Variants in TMEM132D observed in about 807,000 individuals in gnomAD.
TMEM132D encodes transmembrane protein 132D, also known as mature OL transmembrane protein.
In TMEM132D, 21 loss-of-function variants were observed where a neutral mutation model predicts 62.3. The ratio of observed to expected loss-of-function variants is 0.34; its 90% confidence interval spans 0.24 to 0.49. TMEM132D has a LOEUF of 0.49. Ranked by LOEUF, TMEM132D falls within the 20% of genes least tolerant of loss-of-function variation. TMEM132D has a pLI of 0.99. For synonymous variants in TMEM132D, 621 were observed against 575.6 expected (o/e 1.08, Z -1.13); for missense variants, 1,346 against 1,402.8 (o/e 0.96, Z 0.65).
chr12:129,364,577 G>A (rs145542553), intron 3 of TMEM132D, among the ~76,000 whole-genome samples: 2,117 of 152,324 alleles, frequency 0.014, 17 homozygotes, highest in Non-Finnish European at 0.022. Flanking sequence ...TGGGGGCTAA[G>A]GTGATGTTAA....
chr12:129,776,421 G>A (rs1870924549), intron 1 of TMEM132D, among the ~76,000 whole-genome samples: 2 of 150,058 alleles, frequency 1.3e-5, no homozygotes, highest in African/African-American at 4.9e-5. Flanking sequence ...TTCCAATGAT[G>A]CTTTATTTTA....
At chr12:129,295,933 T>C (rs1269477428) in intron 4 of TMEM132D, among the ~76,000 whole-genome samples, 1 of 152,154 alleles carries the variant, frequency 6.6e-6, no homozygotes, top group African/African-American at 2.4e-5. Context: ...TTTCCACCTG[T>C]GGTTGGTTAA....
chr12:129,131,075 T>C (rs1231910301), intron 5 of TMEM132D, among the ~76,000 whole-genome samples: 1 of 152,166 alleles, frequency 6.6e-6, no homozygotes, highest in Non-Finnish European at 1.5e-5. Context: ...GGAGACCTAC[T>C]GGCAAGATCA....
chr12:129,414,135 T>A (rs1299273637), intron 3 of TMEM132D, among the ~76,000 whole-genome samples: 1 of 152,240 alleles, frequency 6.6e-6, no homozygotes, highest in Non-Finnish European at 1.5e-5. Context: ...TGGGCGGCTG[T>A]GTTATTCTTT....
chr12:129,281,752 A>G (rs1210291238), intron 4 of TMEM132D, among the ~76,000 whole-genome samples: 1 of 152,134 alleles, frequency 6.6e-6, no homozygotes, highest in Non-Finnish European at 1.5e-5. Context: ...CCCAGCTCCC[A>G]TTGGCCAAAA....
At chr12:129,597,894 G>C (rs1186758680) in intron 2 of TMEM132D, among the ~76,000 whole-genome samples, 1 of 152,096 alleles carries the variant, frequency 6.6e-6, no homozygotes, top group Non-Finnish European at 1.5e-5. Context: ...TTATTGGCGG[G>C]GGGTGGATGG....
chr12:129,738,184 A>C (rs753006188), intron 1 of TMEM132D, among the ~76,000 whole-genome samples: 10 of 152,214 alleles, frequency 6.6e-5, no homozygotes, highest in Non-Finnish European at 1.2e-4. Flanking sequence ...ATGAGATTAG[A>C]AATCTTCCTG....
At chr12:129,851,938 T>C (rs1873557158) in intron 1 of TMEM132D, among the ~76,000 whole-genome samples, 2 of 152,236 alleles carry the variant, frequency 1.3e-5, no homozygotes, top group Admixed American at 1.3e-4. Flanking sequence ...TTATTTTGAA[T>C]TCTTAACCAT....
chr12:129,881,499 G>C (rs1455151997), intron 1 of TMEM132D, among the ~76,000 whole-genome samples: 1 of 151,970 alleles, frequency 6.6e-6, no homozygotes, highest in Non-Finnish European at 1.5e-5. Flanking sequence ...ACAAAGTATA[G>C]TCTTTGACCA....
intron 5 of TMEM132D, among the ~76,000 whole-genome samples, chr12:129,159,143 G>T (rs1314537284): frequency 6.6e-6 from 1 of 152,178 alleles, no homozygotes; most frequent in Non-Finnish European, 1.5e-5. Flanking sequence ...ACTTCAAGTA[G>T]ATGAGGATGG....
intron 2 of TMEM132D, among the ~76,000 whole-genome samples, chr12:129,646,873 C>T (rs1421912874): frequency 1.3e-5 from 2 of 150,278 alleles, no homozygotes; most frequent in African/African-American, 4.9e-5. Context: ...AATCTTGGCT[C>T]ACTGCAACCT....
chr12:129,834,924 A>G (rs1197453527), intron 1 of TMEM132D, among the ~76,000 whole-genome samples: 2 of 152,178 alleles, frequency 1.3e-5, no homozygotes, highest in African/African-American at 4.8e-5. Flanking sequence ...GATACTATGG[A>G]GAATTGAACA....
intron 1 of TMEM132D, among the ~76,000 whole-genome samples, chr12:129,865,679 G>A (rs1035753176): frequency 9.9e-5 from 15 of 152,200 alleles, no homozygotes; most frequent in African/African-American, 9.7e-5. Context: ...TCTGACACAC[G>A]GAATATACTG....
chr12:129,479,055 T>C (rs895554330), intron 3 of TMEM132D, among the ~76,000 whole-genome samples: 5 of 152,228 alleles, frequency 3.3e-5, no homozygotes, highest in Admixed American at 1.3e-4. Context: ...TTTTGTACTT[T>C]ACACTATAGT....
intron 1 of TMEM132D, among the ~76,000 whole-genome samples, chr12:129,862,431 C>T (rs1400500587): frequency 1.3e-5 from 2 of 152,210 alleles, no homozygotes; most frequent in Non-Finnish European, 2.9e-5. Flanking sequence ...GCTGACACTC[C>T]ACTGCACAGG....
At chr12:129,401,426 G>A (rs1164426525) in intron 3 of TMEM132D, among the ~76,000 whole-genome samples, 2 of 152,052 alleles carry the variant, frequency 1.3e-5, no homozygotes, top group Admixed American at 6.5e-5. Flanking sequence ...AAAATTAGCT[G>A]AGCATGGTGG....
At chr12:129,394,202 G>A (rs572010234) in intron 3 of TMEM132D, among the ~76,000 whole-genome samples, 7 of 152,240 alleles carry the variant, frequency 4.6e-5, no homozygotes, top group African/African-American at 1.4e-4. Context: ...ACCTCTGAGC[G>A]GGAGTTGCAG....
chr12:129,561,906 C>T (rs1023050299), intron 2 of TMEM132D, among the ~76,000 whole-genome samples: 15 of 152,196 alleles, frequency 9.9e-5, no homozygotes, highest in African/African-American at 3.6e-4. Context: ...TAGAGTCAGA[C>T]TCTTTGGACA....
At chr12:129,456,387 T>C (rs923619376) in intron 3 of TMEM132D, among the ~76,000 whole-genome samples, 1 of 152,160 alleles carries the variant, frequency 6.6e-6, no homozygotes, top group African/African-American at 2.4e-5. Context: ...CAGATGGAAG[T>C]TGAGTCTCTA....
Sources: gnomAD v4.1 joint callset for allele counts (sites outside exome capture counted in the v4.1 genomes callset) on GRCh38, gnomAD v4.1.1 for gene constraint, MANE v1.5 for transcripts, NCBI Gene and HGNC (gene_info 2026-07-23, HGNC 2026-07-21) for gene names.